The following PF4V1 variants were observed in gnomAD, a reference collection of about 807,000 sequenced individuals.
The protein encoded by PF4V1 is platelet factor 4 variant.
Under a neutral mutation model 6.9 loss-of-function variants are expected in PF4V1, and 4 were observed. The observed-to-expected ratio is 0.58, with a 90% CI of 0.29 to 1.34. The LOEUF is 1.34. Among genes scored for constraint, PF4V1 ranks in the 40% most tolerant of loss-of-function variants. The probability of loss-of-function intolerance (pLI) is 0.09; values close to 1 mark genes in which losing one functional copy is unlikely to be tolerated. For synonymous variants in PF4V1, 68 were observed against 55.9 expected (o/e 1.22, Z -0.97); for missense variants, 127 against 128.6 (o/e 0.99, Z 0.06).
At position 73,853,601 on chromosome 4, in the gene PF4V1, C is replaced by T. The variant is rs2109762110; in HGVS notation, c.100+139C>T. Reference sequence around the variant, plus strand: ...CGTGCTGAGTCTGCGGGTACAGTGCCAGGCACTGCACGTGCACCTCGCCAC... The same window carrying T: ...CGTGCTGAGTCTGCGGGTACAGTGCTAGGCACTGCACGTGCACCTCGCCAC... On this transcript the variant is annotated intron_variant, in intron 1 of 2. Transcript: ENST00000226524. 1.9e-5 allele frequency: 24 copies of T among 1,278,224 alleles called. No individual in the cohort carries two copies. In the South Asian group the frequency reaches 3.4e-4, roughly 18 times the overall value. 79.2% of individuals were successfully genotyped at this position (1,278,224 alleles called of 1,614,324 possible). A position where few individuals can be genotyped will look rare whatever the true frequency, so the allele number is the denominator to read the frequency against.
At position 73,853,424 on chromosome 4, in the gene PF4V1, C is replaced by A; in HGVS notation, c.62C>A (p.Ala21Glu). 6.2e-7 allele frequency: 1 copy of A among 1,614,108 alleles called. No homozygotes were observed. Among genetic ancestry groups the A allele is most frequent in the Non-Finnish European group, 8.5e-7 (1 of 1,179,988 alleles). The change falls in exon 1 of 3, where the codon GCG becomes GAG. Residue 21 changes from alanine (A) to glutamate (E), a missense_variant. Transcript: ENST00000226524. ...ACCCGCCAGGAGATGCTGTTCTTGG[C>A]GTTGCTGCTCCTGCCAGTTGTGGTC... ...RATRQEMLFL[A>E]LLLLPVVVAF...
rs1460262532 is a variant in PF4V1, at chr4:73,854,036, G to A, written c.229G>A (p.Ala77Thr). ...GPHCPTAQLIATLKNGRKICL... is the reference protein window; with the variant it reads ...GPHCPTAQLITTLKNGRKICL... ...CGTCTCTTCTCTTTTCCCTGCCAGA[G>A]CCACGCTGAAGAATGGGAGGAAAAT... Residue 77 changes from alanine (A) to threonine (T), a missense_variant and splice_region_variant, in exon 3 of 3, where the codon GCC (alanine) becomes ACC (threonine). Physicochemically the swap from Ala to Thr is moderately conservative, Grantham distance 58. Transcript: ENST00000226524. 1.2e-6 allele frequency: 2 copies of A among 1,614,098 alleles called. No individual in the cohort carries two copies. Among genetic ancestry groups the A allele is most frequent in the Non-Finnish European group, 1.7e-6 (2 of 1,179,984 alleles).
chr4:73,853,615 G>C (rs1731475831), intron 1 of PF4V1, among the ~76,000 whole-genome samples, 153 bp downstream of exon 1: 1 of 152,226 alleles, frequency 6.6e-6, no homozygotes, highest in African/African-American at 2.4e-5. Flanking sequence ...CACTGCACGT[G>C]CACCTCGCCA....
At position 73,853,462 on chromosome 4, in the gene PF4V1, G is replaced by T; in HGVS notation, c.100G>T (p.Ala34Ser). 1 of 1,610,214 alleles carries T rather than the reference G, an allele frequency of 6.2e-7. No homozygotes were observed. The highest frequency in any genetic ancestry group is 8.5e-7 in the Non-Finnish European group (1 of 1,178,180). ...LLPVVVAFARAEAEEDGDLQC... is the reference protein window; with the variant it reads ...LLPVVVAFARSEAEEDGDLQC... ...GCCAGTTGTGGTCGCCTTCGCCAGA[G>T]GTGAGAGCAGAAACCAGGCTGGGAG... Residue 34 changes from alanine (A) to serine (S), a missense_variant and splice_region_variant, in exon 1 of 3, where the codon GCT (alanine) becomes TCT (serine). Physicochemically the swap from Ala to Ser is moderately conservative, Grantham distance 99 (BLOSUM62 1). Coordinates refer to ENST00000226524, the MANE Select transcript of PF4V1 (RefSeq NM_002620.4).
Position 73,853,454 on chromosome 4 carries a change from T to G in PF4V1, c.92T>G (p.Phe31Cys). Residue 31 changes from phenylalanine to cysteine, a missense_variant, in exon 1 of 3, where the codon TTC (phenylalanine) becomes TGC (cysteine). By Grantham distance (205) the Phe-to-Cys change is radical. Coordinates refer to ENST00000226524, the MANE Select transcript of PF4V1 (RefSeq NM_002620.4). Reference protein sequence around the residue: ...ALLLLPVVVAFARAEAEEDGD... With the variant: ...ALLLLPVVVACARAEAEEDGD... ...CTGCTCCTGCCAGTTGTGGTCGCCT[T>G]CGCCAGAGGTGAGAGCAGAAACCAG... 1 of 1,612,670 alleles carries G rather than the reference T, an allele frequency of 6.2e-7. No homozygotes were observed. Among genetic ancestry groups the G allele is most frequent in the Admixed American group, 1.7e-5 (1 of 59,888 alleles).
chr4:73,853,648 TGA>T (rs1037223095), intron 1 of PF4V1, 133 bp from the exon 2 acceptor site: 3 of 1,332,158 alleles, frequency 2.3e-6, no homozygotes, highest in Non-Finnish European at 3.1e-6. Flanking sequence ...AACCTCTGTC[TGA>T]GAGAGGTCTG....
In PF4V1 at chr4:73,853,419, C is replaced by T; in HGVS notation, c.57C>T (p.Phe19=). 2 of 1,614,150 alleles carry T rather than the reference C, an allele frequency of 1.2e-6. No individual in the cohort carries two copies. The highest frequency in any genetic ancestry group is 1.7e-6 in the Non-Finnish European group (2 of 1,180,012). ...LTRATRQEML[F]LALLLLPVVV... Reference sequence around the variant, plus strand: ...GCGCCACCCGCCAGGAGATGCTGTTCTTGGCGTTGCTGCTCCTGCCAGTTG... The same window carrying T: ...GCGCCACCCGCCAGGAGATGCTGTTTTTGGCGTTGCTGCTCCTGCCAGTTG... Residue 19 remains phenylalanine (F), a synonymous_variant, in exon 1 of 3, where the codon TTC becomes TTT. Coordinates refer to ENST00000226524, the MANE Select transcript of PF4V1 (RefSeq NM_002620.4).
chr4:73,853,637 C>T, intron 1 of PF4V1, 146 bp from the exon 2 acceptor site: 1 of 1,305,358 alleles, frequency 7.7e-7, no homozygotes, highest in Non-Finnish European at 1.1e-6. Flanking sequence ...CTGATCAGCA[C>T]AACCTCTGTC....
chr4:73,853,803 G>T lies in PF4V1; in HGVS notation c.121G>T (p.Asp41Tyr). 1 of 1,612,322 alleles carries T rather than the reference G, an allele frequency of 6.2e-7. No individual in the cohort carries two copies. ...FARAEAEEDG[D>Y]LQCLCVKTTS... is the part of the protein sequence containing the mutation. Reference sequence around the variant, plus strand: ...CTCAGCTGAAGCTGAAGAAGATGGGGACCTGCAGTGCCTGTGTGTGAAGAC... The same window carrying T: ...CTCAGCTGAAGCTGAAGAAGATGGGTACCTGCAGTGCCTGTGTGTGAAGAC... The change falls in exon 2 of 3, where the codon GAC (aspartate) becomes TAC (tyrosine). Residue 41 changes from aspartate to tyrosine, a missense_variant. By Grantham distance (160) the Asp-to-Tyr change is radical (BLOSUM62 -3). Transcript: ENST00000226524.
Position 73,854,236 on chromosome 4 carries a change from T to G in PF4V1, c.*114T>G. 2.8e-6 allele frequency: 2 copies of G among 719,102 alleles called. No homozygotes were observed. Among genetic ancestry groups the G allele is most frequent in the East Asian group, 2.7e-5 (1 of 36,686 alleles). The allele number at this position is 719,102 out of a possible 1,614,324, so 44.5% of individuals were successfully genotyped here. A position where few individuals can be genotyped will look rare whatever the true frequency, so the allele number is the denominator to read the frequency against. ...ATAAATCAAGTTGTGGTATAGTCAA[T>G]CTATTTCTTAATAATACTGCAAAAA... On this transcript the variant is annotated 3_prime_UTR_variant, in exon 3 of 3. Coordinates refer to ENST00000226524, the MANE Select transcript of PF4V1 (RefSeq NM_002620.4).
chr4:73,854,366 TTA>T lies in PF4V1; in HGVS notation c.*248_*249del, dbSNP rs1431795502. On this transcript the variant is annotated 3_prime_UTR_variant, in exon 3 of 3. Transcript: ENST00000226524. Reference sequence around the variant, plus strand: ...TAATAAAGACTGATTTTGTTCAGTGTTATATGTTAGCTGATACATATTTGTTC... The same window carrying T: ...TAATAAAGACTGATTTTGTTCAGTGTTATGTTAGCTGATACATATTTGTTC... Among the ~76,000 whole-genome samples, 4 of 152,260 alleles carry T rather than the reference TTA, an allele frequency of 2.6e-5. No individual in the cohort carries two copies. Among genetic ancestry groups the T allele is most frequent in the Admixed American group, 2.6e-4 (4 of 15,290 alleles).
In PF4V1 at chr4:73,853,361, A is replaced by G. The variant is rs1731466068; in HGVS notation, c.-2A>G. 1.2e-6 allele frequency: 2 copies of G among 1,613,360 alleles called. No homozygotes were observed. The highest frequency in any genetic ancestry group is 1.1e-5 in the South Asian group (1 of 91,064). On this transcript the variant is annotated 5_prime_UTR_variant, in exon 1 of 3. Transcript: ENST00000226524. ...GGATCCTGCTGGAACCTCAGCTGCAACATGAGCTCCGCAGCCAGGTCCCGC... is the reference window on the plus strand; with the variant it reads ...GGATCCTGCTGGAACCTCAGCTGCAGCATGAGCTCCGCAGCCAGGTCCCGC...
Position 73,854,337 on chromosome 4 carries a change from G to T in PF4V1, c.*215G>T, listed in dbSNP as rs1462477348. 6.6e-6 allele frequency among the ~76,000 whole-genome samples: 1 copy of T among 152,144 alleles called. No homozygotes were observed. Among genetic ancestry groups the T allele is most frequent in the African/African-American group, 2.4e-5 (1 of 41,422 alleles). On this transcript the variant is annotated 3_prime_UTR_variant, in exon 3 of 3. Transcript: ENST00000226524. ...CAAAAAGCATTATGAAGGAAGGCTT[G>T]GTTTAATAAAGACTGATTTTGTTCA...
Position 73,853,334 on chromosome 4 carries a change from TGG to T in PF4V1, c.-27_-26del. 6.3e-7 allele frequency: 1 copy of T among 1,596,060 alleles called. No homozygotes were observed. On this transcript the variant is annotated 5_prime_UTR_variant, in exon 1 of 3. Transcript: ENST00000226524. ...CCCCAGCCCGACTTTCCCTGCGCACTGGGATCCTGCTGGAACCTCAGCTGCAA... is the reference window on the plus strand; with the variant it reads ...CCCCAGCCCGACTTTCCCTGCGCACTGATCCTGCTGGAACCTCAGCTGCAA...
chr4:73,854,283 T>C lies in PF4V1; in HGVS notation c.*161T>C, dbSNP rs1197443917. 3.4e-6 allele frequency: 2 copies of C among 595,472 alleles called. No homozygotes were observed. Among genetic ancestry groups the C allele is most frequent in the African/African-American group, 3.7e-5 (2 of 54,118 alleles). The allele number at this position is 595,472 out of a possible 1,614,324, so 36.9% of individuals were successfully genotyped here. ...AAAATAATGCTGACACATCACAATT[T>C]CATATTTTAAAATTTCCAGAATTTT... On this transcript the variant is annotated 3_prime_UTR_variant, in exon 3 of 3. Transcript: ENST00000226524.
intron 1 of PF4V1, 105 bp downstream of exon 1, chr4:73,853,567 T>A: frequency 7.2e-7 from 1 of 1,398,462 alleles, no homozygotes; most frequent in Non-Finnish European, 9.7e-7. Context: ...CAGCTGCTCT[T>A]ATTGCGCGCG....
rs1267702135 is a variant in PF4V1, at chr4:73,853,861, G to A, written c.179G>A (p.Ser60Asn). ...TSQVRPRHIT[S>N]LEVIKAGPHC... is the part of the protein sequence containing the mutation. Reference sequence around the variant, plus strand: ...CAGGTCCGTCCCAGGCACATCACCAGCCTGGAGGTGATCAAGGCCGGACCC... The same window carrying A: ...CAGGTCCGTCCCAGGCACATCACCAACCTGGAGGTGATCAAGGCCGGACCC... Residue 60 changes from serine (S) to asparagine (N), a missense_variant, in exon 2 of 3, where the codon AGC becomes AAC. Transcript: ENST00000226524. 2 of 1,612,894 alleles carry A rather than the reference G, an allele frequency of 1.2e-6. No homozygotes were observed. The highest frequency in any genetic ancestry group is 1.7e-6 in the Non-Finnish European group (2 of 1,179,786).
intron 1 of PF4V1, 127 bp downstream of exon 1, chr4:73,853,589 C>G: frequency 7.6e-7 from 1 of 1,309,522 alleles, no homozygotes. Context: ...GCTGAGTCTG[C>G]GGGTACAGTG....
At position 73,853,908 on chromosome 4, in the gene PF4V1, A is replaced by T. The variant is rs761076699; in HGVS notation, c.226A>T (p.Ile76Leu). Residue 76 changes from isoleucine to leucine, a missense_variant and splice_region_variant, in exon 2 of 3, where the codon ATA becomes TTA. Transcript: ENST00000226524. ...AGPHCPTAQL[I>L]ATLKNGRKIC... ...ACCCCACTGCCCCACTGCCCAACTC[A>T]TGTGAGTCCTCGCACTGCATCAGTT... The T allele has an allele frequency of 3.1e-6, 5 of 1,603,748 alleles. No individual in the cohort carries two copies. In the South Asian group the frequency reaches 5.5e-5, roughly 18 times the overall value.
Sources: allele counts gnomAD v4.1 joint callset (sites outside exome capture counted in the v4.1 genomes callset), GRCh38; gene constraint gnomAD v4.1.1; transcripts MANE v1.5; gene names NCBI Gene and HGNC (gene_info 2026-07-23, HGNC 2026-07-21).